The following NR2C1 variants were observed in gnomAD, a reference collection of about 807,000 sequenced individuals.
NR2C1 encodes the protein TR2 nuclear hormone receptor.
A neutral mutation model predicts 74.8 loss-of-function variants in NR2C1; 33 were observed. The observed-to-expected ratio is 0.44, with a 90% CI of 0.33 to 0.59. The LOEUF (loss-of-function observed/expected upper bound fraction) is 0.59. Among genes scored for constraint, NR2C1 ranks in the 20% least tolerant of loss-of-function variants. The pLI is 0.02. For synonymous variants in NR2C1, 225 were observed against 240.6 expected (o/e 0.94, Z 0.60); for missense variants, 568 against 715.6 (o/e 0.79, Z 2.35).
chr12:95,059,301 C>CAA lies in NR2C1; in HGVS notation c.364+603_364+604dup, dbSNP rs202083036. Among the ~76,000 whole-genome samples, 102 of 137,476 alleles carry CAA rather than the reference C, an allele frequency of 7.4e-4. 1 individual carries two copies. Among genetic ancestry groups the CAA allele is most frequent in the Non-Finnish European group, 8.3e-4 (53 of 64,132 alleles). 90.2% of individuals were successfully genotyped at this position (137,476 alleles called of 152,430 possible). Reference sequence around the variant, plus strand: ...AGGGTGACAGCGCAAGACTCCATCTCAAAAAAAAAAAAAATTTTTTTTTTA... The same window carrying CAA: ...AGGGTGACAGCGCAAGACTCCATCTCAAAAAAAAAAAAAAAATTTTTTTTTTA... On this transcript the variant is annotated intron_variant, in intron 4 of 13. Coordinates refer to ENST00000333003, the MANE Select transcript of NR2C1 (RefSeq NM_003297.4).
chr12:95,064,074 A>G (rs1481944375), intron 2 of NR2C1, among the ~76,000 whole-genome samples: 2 of 150,400 alleles, frequency 1.3e-5, no homozygotes, highest in Non-Finnish European at 3.0e-5. Flanking sequence ...TCATGCCTAT[A>G]ACCCCAGCAC....
chr12:95,070,182 AGTGCAGTG>A (rs139550947), intron 1 of NR2C1, among the ~76,000 whole-genome samples: 6,792 of 152,096 alleles, frequency 0.045, 207 homozygotes, highest in Middle Eastern at 0.095. Context: ...CCTAGGCTGG[AGTGCAGTG>A]GTGCAATCTC....
intron 9 of NR2C1, among the ~76,000 whole-genome samples, chr12:95,045,162 T>TA (rs1179916492): frequency 3.3e-5 from 5 of 152,178 alleles, no homozygotes; most frequent in African/African-American, 1.2e-4. Flanking sequence ...ACTATTTACT[T>TA]AGAGTTCACT....
rs1385499933 is a variant in NR2C1, at chr12:95,068,840, G to A, written c.-7-1449C>T. Reference sequence around the variant, plus strand: ...TAGCCAGGCATGGTGGCGGGTGCCCGTAATCCCAGCTACTCAGGAGACTGA... The same window carrying A: ...TAGCCAGGCATGGTGGCGGGTGCCCATAATCCCAGCTACTCAGGAGACTGA... On this transcript the variant is annotated intron_variant, in intron 1 of 13. Transcript: ENST00000333003. 1.6e-4 allele frequency among the ~76,000 whole-genome samples: 25 copies of A among 151,608 alleles called. No individual in the cohort carries two copies. The East Asian group carries it at 1.7e-3, about 11-fold the overall frequency.
rs11107865 is a variant in NR2C1 at position 95,025,323 on chromosome 12, A to C, written c.1532-68T>G. 68,232 of 788,282 alleles carry C rather than the reference A, an allele frequency of 0.087. 3,198 individuals are homozygous for C. Among genetic ancestry groups the C allele is most frequent in the Middle Eastern group, 0.11 (371 of 3,376 alleles). 48.8% of individuals were successfully genotyped at this position (788,282 alleles called of 1,614,324 possible). On this transcript the variant is annotated intron_variant, in intron 12 of 13. Coordinates refer to ENST00000333003, the MANE Select transcript of NR2C1 (RefSeq NM_003297.4). ...TCATTTAAGACAGAGTGGATATGAA[A>C]AGAGACAGAAAGAATAGTCAAAATA...
intron 8 of NR2C1, chr12:95,049,567 C>T (rs1872714616): frequency 1.2e-5 from 2 of 170,004 alleles, no homozygotes; most frequent in Non-Finnish European, 2.5e-5. Context: ...CACTGTACTC[C>T]AGCCTGGGTG....
At chr12:95,073,005 G>A (rs1157846206) in intron 1 of NR2C1, 1 of 152,256 alleles carries the variant, frequency 6.6e-6, no homozygotes, top group Non-Finnish European at 1.5e-5. Flanking sequence ...CCGGCGCTGC[G>A]CGCGGCTCTC....
At chr12:95,025,725 C>G (rs1869281701) in intron 12 of NR2C1, among the ~76,000 whole-genome samples, 2 of 146,354 alleles carry the variant, frequency 1.4e-5, no homozygotes, top group Admixed American at 1.4e-4. Context: ...AGGCCACCTA[C>G]TATATACCAA....
intron 9 of NR2C1, among the ~76,000 whole-genome samples, chr12:95,041,268 A>G (rs1436149704): frequency 6.6e-6 from 1 of 152,152 alleles, no homozygotes; most frequent in Non-Finnish European, 1.5e-5. Context: ...CAGGTGGATC[A>G]CGATGTCGAG....
rs1871768144 is a variant in NR2C1, at chr12:95,042,931, A to AT, written c.1132-2335_1132-2334insA. Among the ~76,000 whole-genome samples, 6 of 134,670 alleles carry AT rather than the reference A, an allele frequency of 4.5e-5. No individual in the cohort carries two copies. The South Asian group carries it at 1.4e-3, about 33-fold the overall frequency. The allele number at this position is 134,670 out of a possible 152,430, so 88.3% of individuals were successfully genotyped here. ...GGGCAACATAACGAGACCCATTTCT[A>AT]CAAAAAAAAAAAAAAAAAAACCGAC... On this transcript the variant is annotated intron_variant, in intron 9 of 13. Coordinates refer to ENST00000333003, the MANE Select transcript of NR2C1 (RefSeq NM_003297.4).
intron 3 of NR2C1, among the ~76,000 whole-genome samples, chr12:95,060,406 C>A (rs1874614022): frequency 6.6e-6 from 1 of 152,238 alleles, no homozygotes; most frequent in Non-Finnish European, 1.5e-5. Context: ...GTAATCCCAG[C>A]ACTTTGGGAG....
At chr12:95,053,270 G>A (rs1381918094) in intron 7 of NR2C1, among the ~76,000 whole-genome samples, 4 of 151,916 alleles carry the variant, frequency 2.6e-5, no homozygotes, top group Non-Finnish European at 4.4e-5. Flanking sequence ...CACCGTGCCC[G>A]GCTTGTCTTC....
At chr12:95,036,272 T>TAAAAA (rs368229386) in intron 10 of NR2C1, among the ~76,000 whole-genome samples, 5 of 127,226 alleles carry the variant, frequency 3.9e-5, no homozygotes, top group African/African-American at 1.2e-4. Context: ...ATGTTGAGAT[T>TAAAAA]AAAAAAAAAA....
chr12:95,031,521 A>G (rs1439217957), intron 10 of NR2C1, 33 bp from the exon 11 acceptor site: 1 of 1,516,704 alleles, frequency 6.6e-7, no homozygotes, highest in Non-Finnish European at 8.8e-7. Flanking sequence ...CACAAATCAG[A>G]TATTATTAAA....
intron 7 of NR2C1, among the ~76,000 whole-genome samples, chr12:95,057,012 T>C (rs1383485405): frequency 6.6e-6 from 1 of 150,946 alleles, no homozygotes; most frequent in South Asian, 2.1e-4. Context: ...TACTGAGGAC[T>C]CGTATTTCAA....
intron 11 of NR2C1, 23 bp downstream of exon 11, chr12:95,031,326 A>G (rs1423960508): frequency 6.6e-7 from 1 of 1,522,568 alleles, no homozygotes; most frequent in Admixed American, 2.3e-5. Context: ...CAACCTGGAA[A>G]AGGTAAGGAA....
chr12:95,049,641 T>C (rs1490539226), intron 8 of NR2C1: 9 of 153,940 alleles, frequency 5.8e-5, no homozygotes, highest in African/African-American at 1.9e-4. Context: ...TTAAGAACAT[T>C]ATATGTATGA....
At chr12:95,062,428 A>G in intron 3 of NR2C1, 80 bp downstream of exon 3, 1 of 909,018 alleles carries the variant, frequency 1.1e-6, no homozygotes, top group East Asian at 2.6e-5. Flanking sequence ...ACATAGATCT[A>G]AAGTCTTCAT....
At chr12:95,047,507 C>T (rs1267419893) in intron 9 of NR2C1, among the ~76,000 whole-genome samples, 1 of 152,142 alleles carries the variant, frequency 6.6e-6, no homozygotes, top group African/African-American at 2.4e-5. Context: ...GTGGCTATTT[C>T]TACCAAGTCA....
Sources: gnomAD v4.1 joint callset for allele counts (sites outside exome capture counted in the v4.1 genomes callset) on GRCh38, gnomAD v4.1.1 for gene constraint, MANE v1.5 for transcripts, NCBI Gene and HGNC (gene_info 2026-07-23, HGNC 2026-07-21) for gene names.